The following NBEAL2 variants were observed in gnomAD, a reference collection of about 807,000 sequenced individuals.
The protein encoded by NBEAL2 is neurobeachin like 2.
Under a neutral mutation model 299.8 loss-of-function variants are expected in NBEAL2, and 160 were observed. The ratio of observed to expected loss-of-function variants is 0.53; its 90% CI spans 0.47 to 0.61. The LOEUF is 0.61. Ranked by LOEUF, NBEAL2 falls within the 20% of genes least tolerant of loss-of-function variation. The pLI is 0.00. For synonymous variants in NBEAL2, 1,493 were observed against 1,542.3 expected (o/e 0.97, Z 0.75); for missense variants, 3,112 against 3,649.0 (o/e 0.85, Z 3.79).
In NBEAL2 at chr3:46,997,004, TGGGCGCCTGAC is replaced by T; in HGVS notation, c.2612_2622del (p.Arg871ProfsTer36). On this transcript the variant is annotated frameshift_variant, in exon 18 of 54. Transcript: ENST00000450053. LOFTEE classifies it high-confidence loss of function. ...ACCTGTCCCCCAGTCATGGGCTTGA[TGGGCGCCTGAC>T]GGGCCACAGAGTGGAGACCTGGGAT... The T allele has an allele frequency of 6.2e-7, 1 of 1,613,370 alleles. No homozygotes were observed. Among genetic ancestry groups the T allele is most frequent in the Non-Finnish European group, 8.5e-7 (1 of 1,179,814 alleles).
rs1403051121 is a variant in NBEAL2, at chr3:46,992,452, T to TG, written c.1033-22dup. 2.5e-6 allele frequency: 4 copies of TG among 1,591,546 alleles called. No homozygotes were observed. The Admixed American group carries it at 6.9e-5, about 27-fold the overall frequency. ...CCTCTCTTCTTTGCCTCCTCCACCC[T>TG]GTGCCTCCCCACTTCCCCACAGCTG... On this transcript the variant is annotated intron_variant, in intron 9 of 53. Transcript: ENST00000450053.
chr3:46,989,456 T>C lies in NBEAL2; in HGVS notation c.474-55T>C. On this transcript the variant is annotated intron_variant, in intron 5 of 53. Coordinates refer to ENST00000450053, the MANE Select transcript of NBEAL2 (RefSeq NM_015175.3). This position sits in a 1 kb window ranked among gnomAD's most constrained non-coding sequence, Gnocchi z 5.5. ...TGGCCGCGCTGGGCCCAAGGAGGGG[T>C]GACGGCCAGGAGTGGTGAGAGCCGG... is the stretch of plus-strand genomic sequence containing the variant. 1 of 1,564,412 alleles carries C rather than the reference T, an allele frequency of 6.4e-7. No individual in the cohort carries two copies. The highest frequency in any genetic ancestry group is 2.4e-5 in the East Asian group (1 of 41,840).
rs1385767893 is a variant in NBEAL2 at position 46,991,181 on chromosome 3, C to A, written c.557-38C>A. The A allele has an allele frequency of 1.3e-6, 2 of 1,548,958 alleles. No individual in the cohort carries two copies. Among genetic ancestry groups the A allele is most frequent in the African/African-American group, 1.4e-5 (1 of 73,182 alleles). On this transcript the variant is annotated intron_variant, in intron 6 of 53. Transcript: ENST00000450053. The surrounding 1 kb of genome is among the most constrained non-coding windows in gnomAD (Gnocchi z 6.2). ...GCCCCCTGGGTCCATAGCCCTGCAA[C>A]CTTGGTGACATTACCCTGCCCACAC...
At chr3:46,999,241 C>A in intron 24 of NBEAL2, 74 bp from the exon 25 acceptor site, 1 of 1,553,280 alleles carries the variant, frequency 6.4e-7, no homozygotes, top group Non-Finnish European at 8.7e-7. Flanking sequence ...TTGAGCCACA[C>A]ACCTGCACGG....
intron 52 of NBEAL2, 93 bp from the exon 53 acceptor site, chr3:47,008,895 TG>T: frequency 6.5e-7 from 1 of 1,543,530 alleles, no homozygotes; most frequent in South Asian, 1.1e-5. Context: ...ATCCTTAAAA[TG>T]AGGACAGAGA....
chr3:46,996,879 C>T (rs1254191784), intron 17 of NBEAL2, 46 bp downstream of exon 17: 5 of 1,608,936 alleles, frequency 3.1e-6, no homozygotes, highest in Admixed American at 3.3e-5. Context: ...TGTGCTACTT[C>T]CCCGGCTCCC....
chr3:47,009,623 C>A lies in NBEAL2; in HGVS notation c.*303C>A, dbSNP rs954250058. The stretch of plus-strand genomic sequence containing the variant: ...TCCAAGTCGCTGTTTCGTCAAAGCA[C>A]GAGGGCCGCCTGTGGCCTTAATTCC... On this transcript the variant is annotated 3_prime_UTR_variant, in exon 54 of 54. Coordinates refer to ENST00000450053, the MANE Select transcript of NBEAL2 (RefSeq NM_015175.3). 4.2e-5 allele frequency: 18 copies of A among 429,558 alleles called. No homozygotes were observed. The highest frequency in any genetic ancestry group is 8.4e-5 in the African/African-American group (4 of 47,476). The allele number at this position is 429,558 out of a possible 1,614,324, so 26.6% of individuals were successfully genotyped here. A position where few individuals can be genotyped will look rare whatever the true frequency, so the allele number is the denominator to read the frequency against.
chr3:46,982,379 G>A lies in NBEAL2; in HGVS notation c.51+2467G>A, dbSNP rs964821945. 6.6e-6 allele frequency among the ~76,000 whole-genome samples: 1 copy of A among 152,070 alleles called. No homozygotes were observed. Among genetic ancestry groups the A allele is most frequent in the African/African-American group, 2.4e-5 (1 of 41,402 alleles). On this transcript the variant is annotated intron_variant, in intron 1 of 53. Transcript: ENST00000450053. The surrounding 1 kb of genome is among the most constrained non-coding windows in gnomAD (Gnocchi z 4.2). ...GTGGGTCTGGGTGGGGATGGAGAGG[G>A]GGGAGTAACTCCTTCCTGCCCTTCC...
rs994959153 is a variant in NBEAL2 at position 46,999,077 on chromosome 3, G to T, written c.3503G>T (p.Arg1168Leu). 6.3e-7 allele frequency: 1 copy of T among 1,590,348 alleles called. No homozygotes were observed. Among genetic ancestry groups the T allele is most frequent in the South Asian group, 1.1e-5 (1 of 87,242 alleles). ...NLEVLLALLV[R>L]PGSLPLLPDR... The stretch of plus-strand genomic sequence containing the variant: ...GAAGTGCTACTGGCCCTGCTAGTGC[G>T]GCCAGGGTCACTGCCCCTGCTGCCC... Residue 1168 changes from arginine to leucine, a missense_variant, in exon 24 of 54, where the codon CGG becomes CTG. Transcript: ENST00000450053.
chr3:47,006,166 G>C lies in NBEAL2; in HGVS notation c.6921G>C (p.Gly2307=), dbSNP rs574415097. Residue 2307 remains glycine (G), a splice_region_variant and synonymous_variant, in exon 44 of 54, where the codon GGG becomes GGC. Transcript: ENST00000450053. ...LNVFYYCTYE[G]AVDLDHVTDE... Reference sequence around the variant, plus strand: ...TGACTGCTCTGCCTGCCTTCCCAGGGGCTGTAGACCTGGACCATGTGACAG... The same window carrying C: ...TGACTGCTCTGCCTGCCTTCCCAGGCGCTGTAGACCTGGACCATGTGACAG... 6.2e-7 allele frequency: 1 copy of C among 1,613,764 alleles called. No individual in the cohort carries two copies. Among genetic ancestry groups the C allele is most frequent in the Admixed American group, 1.7e-5 (1 of 60,004 alleles).
At chr3:47,008,966 T>G in intron 52 of NBEAL2, 23 bp from the exon 53 acceptor site, 1 of 1,598,434 alleles carries the variant, frequency 6.3e-7, no homozygotes, top group Non-Finnish European at 8.5e-7. Flanking sequence ...CGCAAGTTGG[T>G]GTATATCCCC....
intron 11 of NBEAL2, 117 bp downstream of exon 11, chr3:46,994,137 C>T (rs987763709): frequency 4.8e-6 from 5 of 1,033,654 alleles, no homozygotes; most frequent in East Asian, 5.2e-5. Flanking sequence ...GCAAAGCAGG[C>T]GAGCTGGGAG....
Position 46,995,268 on chromosome 3 carries a change from C to T in NBEAL2, c.1533C>T (p.Arg511=), listed in dbSNP as rs1200891649. The part of the protein sequence containing the change: ...TLSTGLALEA[R]CQEQLLALLQ... ...GCACAGGGCTAGCCCTGGAGGCCCG[C>T]TGCCAAGAGCAGCTGCTGGCACTGC... The change falls in exon 13 of 54, where the codon CGC becomes CGT. Residue 511 remains arginine, a synonymous_variant. Coordinates refer to ENST00000450053, the MANE Select transcript of NBEAL2 (RefSeq NM_015175.3). 9.0e-6 allele frequency: 14 copies of T among 1,561,398 alleles called. No individual in the cohort carries two copies. Among genetic ancestry groups the T allele is most frequent in the Non-Finnish European group, 1.2e-5 (14 of 1,153,452 alleles).
In NBEAL2 at chr3:46,995,156, G is replaced by A. The variant is rs1015184932; in HGVS notation, c.1421G>A (p.Arg474His). 6 of 1,570,742 alleles carry A rather than the reference G, an allele frequency of 3.8e-6. No homozygotes were observed. The highest frequency in any genetic ancestry group is 2.4e-5 in the East Asian group (1 of 42,158). Residue 474 changes from arginine to histidine, a missense_variant, in exon 13 of 54, where the codon CGC (arginine) becomes CAC (histidine). Around this residue, in one of 3 missense-constraint regions of NBEAL2, gnomAD observed 2,243 missense variants for 2,538.1 expected, o/e 0.88. Coordinates refer to ENST00000450053, the MANE Select transcript of NBEAL2 (RefSeq NM_015175.3). ...TAELRLFLAQ[R>H]LRWLCDSCPA... is the part of the protein sequence containing the mutation. ...GAGCTGCGGCTCTTCCTAGCGCAAC[G>A]CCTCAGGTGGCTCTGTGACAGCTGC... is the stretch of plus-strand genomic sequence containing the variant.
chr3:46,998,269 T>A lies in NBEAL2; in HGVS notation c.3118+43T>A, dbSNP rs752114019. On this transcript the variant is annotated intron_variant, in intron 21 of 53. Transcript: ENST00000450053. ...AGCAAGGGGCCGGCCATAGGGCAGC[T>A]GAGCACTGAGAAGTTAGAACTCTGC... 3 of 1,588,722 alleles carry A rather than the reference T, an allele frequency of 1.9e-6. No homozygotes were observed. The South Asian group carries it at 3.4e-5, about 18-fold the overall frequency.
In NBEAL2 at chr3:46,989,704, G is replaced by A; in HGVS notation, c.556+111G>A. On this transcript the variant is annotated intron_variant, in intron 6 of 53. Transcript: ENST00000450053. This position sits in a 1 kb window ranked among gnomAD's most constrained non-coding sequence, Gnocchi z 5.5. ...ACCACTTGGTGGTGGCTGCATGCAG[G>A]ACTGGGAGAACCAAAGACCAAGCAA... 1 of 989,672 alleles carries A rather than the reference G, an allele frequency of 1.0e-6. No homozygotes were observed. Among genetic ancestry groups the A allele is most frequent in the East Asian group, 2.6e-5 (1 of 38,260 alleles). 61.3% of individuals were successfully genotyped at this position (989,672 alleles called of 1,614,324 possible).
rs751864724 is a variant in NBEAL2 at position 46,989,187 on chromosome 3, G to T, written c.351+21G>T. 3.7e-6 allele frequency: 6 copies of T among 1,613,678 alleles called. No homozygotes were observed. Among genetic ancestry groups the T allele is most frequent in the Non-Finnish European group, 5.1e-6 (6 of 1,179,766 alleles). ...CGGAGGTGAAGTGGCCTCTACCTTG[G>T]GGGGCAGAGGGTGTATGCAGGGAGG... is the stretch of plus-strand genomic sequence containing the variant. On this transcript the variant is annotated intron_variant, in intron 4 of 53. Transcript: ENST00000450053. The surrounding 1 kb of genome is among the most constrained non-coding windows in gnomAD (Gnocchi z 5.5).
At position 47,001,672 on chromosome 3, in the gene NBEAL2, C is replaced by T. The variant is rs759455553; in HGVS notation, c.4645-17C>T. On this transcript the variant is annotated splice_polypyrimidine_tract_variant and intron_variant, in intron 29 of 53. Coordinates refer to ENST00000450053, the MANE Select transcript of NBEAL2 (RefSeq NM_015175.3). The surrounding 1 kb of genome is among the most constrained non-coding windows in gnomAD (Gnocchi z 6.1). ...CTCCCCTGGTGATGTCTGTTGGGAACCTGTTTTCTGTGGCAGCTCTTTGAA... is the reference window on the plus strand; with the variant it reads ...CTCCCCTGGTGATGTCTGTTGGGAATCTGTTTTCTGTGGCAGCTCTTTGAA... 2.5e-6 allele frequency: 4 copies of T among 1,609,610 alleles called. No individual in the cohort carries two copies. Among genetic ancestry groups the T allele is most frequent in the Non-Finnish European group, 3.4e-6 (4 of 1,176,452 alleles).
At position 47,005,808 on chromosome 3, in the gene NBEAL2, C is replaced by G. The variant is rs994900339; in HGVS notation, c.6762C>G (p.Ser2254Arg). Residue 2254 changes from serine to arginine, a missense_variant, in exon 42 of 54, where the codon AGC (serine) becomes AGG (arginine). Ser to Arg is a moderately radical substitution (Grantham distance 110). Coordinates refer to ENST00000450053, the MANE Select transcript of NBEAL2 (RefSeq NM_015175.3). ...VGDVVLPPWASSPEDFIQQHR... is the reference protein window; with the variant it reads ...VGDVVLPPWARSPEDFIQQHR... ...ATGTGGTGCTACCCCCGTGGGCCAG[C>G]TCTCCTGAGGACTTCATCCAGCAGC... 2.5e-6 allele frequency: 4 copies of G among 1,613,304 alleles called. No homozygotes were observed. Among genetic ancestry groups the G allele is most frequent in the African/African-American group, 2.7e-5 (2 of 74,924 alleles).
Sources: gnomAD v4.1 joint callset for allele counts (sites outside exome capture counted in the v4.1 genomes callset) on GRCh38, gnomAD v4.1.1 for gene constraint, gnomAD v4.1.1 regional missense constraint, Gnocchi (gnomAD v3.1) non-coding constraint, MANE v1.5 for transcripts, NCBI Gene and HGNC (gene_info 2026-07-23, HGNC 2026-07-21) for gene names.